The following HK1 variants were observed in gnomAD, a reference collection of about 807,000 sequenced individuals.
HK1 encodes the protein hexokinase 1, also known as hexokinase-1.
Under a neutral mutation model 91.6 loss-of-function variants are expected in HK1, and 28 were observed. The ratio of observed to expected loss-of-function variants is 0.31; its 90% confidence interval spans 0.23 to 0.42. The LOEUF (loss-of-function observed/expected upper bound fraction) is 0.42. Among genes scored for constraint, HK1 ranks in the 10% least tolerant of loss-of-function variants. The probability of loss-of-function intolerance (pLI) is 1.00; values close to 1 mark genes in which losing one functional copy is unlikely to be tolerated. For synonymous variants in HK1, 430 were observed against 468.1 expected, an observed-to-expected ratio of 0.92 and a Z score of 1.05; for missense variants, 770 against 1,219.8, an observed-to-expected ratio of 0.63 and a Z score of 5.49.
upstream of HK1, chr10:69,316,023 C>T: frequency 6.2e-7 from 1 of 1,612,920 alleles, no homozygotes; most frequent in Middle Eastern, 1.7e-4. Flanking sequence ...GGGTGAGTAG[C>T]TGTGGTCCAG....
intron 5 of HK1, among the ~76,000 whole-genome samples, chr10:69,308,388 C>T (rs369982910): frequency 2.6e-5 from 4 of 152,118 alleles, no homozygotes; most frequent in Non-Finnish European, 5.9e-5. Context: ...CCGAGCTCCC[C>T]GAGTGAACAA....
intron 1 of HK1, among the ~76,000 whole-genome samples, chr10:69,342,494 A>T (rs1172112450): frequency 6.6e-6 from 1 of 152,220 alleles, no homozygotes; most frequent in African/African-American, 2.4e-5. Context: ...AGGTGACAGC[A>T]GAAGGAGGAG....
At chr10:69,368,256 G>T (rs1280133204) in intron 4 of HK1, among the ~76,000 whole-genome samples, 2 of 152,268 alleles carry the variant, frequency 1.3e-5, no homozygotes, top group African/African-American at 2.4e-5. Context: ...CAAGCCATGT[G>T]GCATTACTGT....
At chr10:69,391,391 C>G in intron 14 of HK1, among the ~76,000 whole-genome samples, 1 of 152,250 alleles carries the variant, frequency 6.6e-6, no homozygotes, top group Admixed American at 6.5e-5. Flanking sequence ...CCTGTAATCC[C>G]AGCACTTTGT....
intron 1 of HK1, among the ~76,000 whole-genome samples, chr10:69,324,867 T>C (rs1256370794): frequency 1.3e-5 from 2 of 152,150 alleles, no homozygotes; most frequent in South Asian, 2.1e-4. Context: ...CCACTTAATA[T>C]ACACTGGGTT....
chr10:69,398,020 G>T (rs1434779305), intron 16 of HK1, among the ~76,000 whole-genome samples: 2 of 152,208 alleles, frequency 1.3e-5, no homozygotes, highest in Non-Finnish European at 2.9e-5. Flanking sequence ...AAGGCATCTG[G>T]CAATGTGTAG....
chr10:69,298,223 G>GA (rs1025820473), intron 4 of HK1, among the ~76,000 whole-genome samples: 3 of 149,996 alleles, frequency 2.0e-5, no homozygotes, highest in African/African-American at 7.4e-5. Context: ...AGGAAAAAAA[G>GA]AAAAAAAAAG....
chr10:69,286,131 G>A (rs1229831959), intron 2 of HK1, among the ~76,000 whole-genome samples: 1 of 152,184 alleles, frequency 6.6e-6, no homozygotes, highest in East Asian at 1.9e-4. Context: ...AAAAATGTGT[G>A]TGGAATTTGT....
At chr10:69,292,405 G>T (rs1050658225) in intron 3 of HK1, 12 of 435,086 alleles carry the variant, frequency 2.8e-5, no homozygotes, top group Non-Finnish European at 5.0e-5. Flanking sequence ...AGGACAAGAA[G>T]TGCTGGAAAG....
At chr10:69,378,939 TC>T (rs1839250929) in intron 8 of HK1, among the ~76,000 whole-genome samples, 1 of 152,150 alleles carries the variant, frequency 6.6e-6, no homozygotes, top group Admixed American at 6.5e-5. Flanking sequence ...CACTTCCCCA[TC>T]TTGTCTTCCT....
intron 5 of HK1, among the ~76,000 whole-genome samples, chr10:69,305,582 T>C (rs10762283): frequency 0.88 from 133,759 of 152,042 alleles, 59,212 homozygotes; most frequent in East Asian, 0.99. Flanking sequence ...AGGCTGGGTG[T>C]GGTAGTTCAC....
At chr10:69,376,885 G>A (rs772506625) in intron 7 of HK1, 49 bp from the exon 8 acceptor site, 23 of 1,608,882 alleles carry the variant, frequency 1.4e-5, no homozygotes, top group African/African-American at 8.0e-5. Context: ...GCCCTCGTGT[G>A]TGGGGCGCAG....
At chr10:69,363,860 G>A (rs933893814) in intron 3 of HK1, among the ~76,000 whole-genome samples, 1 of 152,178 alleles carries the variant, frequency 6.6e-6, no homozygotes. Context: ...ACATGTTATA[G>A]CACAGGCAAG....
chr10:69,338,731 G>A (rs1420570371), intron 1 of HK1: 11 of 1,257,448 alleles, frequency 8.7e-6, no homozygotes, highest in Non-Finnish European at 1.1e-5. Context: ...GTGTGTATGT[G>A]TGAGTGTGTG....
chr10:69,375,804 A>G (rs762814878), intron 7 of HK1, among the ~76,000 whole-genome samples: 3 of 152,064 alleles, frequency 2.0e-5, no homozygotes, highest in Non-Finnish European at 4.4e-5. Context: ...TGGCTCACAT[A>G]TGGCATCGAG....
chr10:69,283,039 TC>T (rs1227465430), intron 2 of HK1, among the ~76,000 whole-genome samples: 1 of 144,402 alleles, frequency 6.9e-6, no homozygotes, highest in African/African-American at 2.6e-5. Flanking sequence ...GGCAGGAGAA[TC>T]GCTTGAACCC....
intron 1 of HK1, among the ~76,000 whole-genome samples, chr10:69,275,035 A>G (rs1844364262): frequency 6.6e-6 from 1 of 152,098 alleles, no homozygotes; most frequent in African/African-American, 2.4e-5. Flanking sequence ...GCCTTCCAGT[A>G]TCTCTAAAAA....
At chr10:69,356,024 ACT>A (rs776912319) in intron 2 of HK1, among the ~76,000 whole-genome samples, 16 of 152,114 alleles carry the variant, frequency 1.1e-4, no homozygotes, top group Non-Finnish European at 2.1e-4. Context: ...AACTAATAAA[ACT>A]CTTAGAACGA....
At chr10:69,400,371 A>C (rs1840330971) in intron 17 of HK1, among the ~76,000 whole-genome samples, 1 of 152,198 alleles carries the variant, frequency 6.6e-6, no homozygotes, top group Admixed American at 6.5e-5. Context: ...ACTTACAAGC[A>C]TGTAGATTCA....
Sources: gnomAD v4.1 joint callset for allele counts (sites outside exome capture counted in the v4.1 genomes callset) on GRCh38, gnomAD v4.1.1 for gene constraint, MANE v1.5 for transcripts, NCBI Gene and HGNC (gene_info 2026-07-23, HGNC 2026-07-21) for gene names.